SIL1: variants seen among roughly 807,000 people sequenced by gnomAD.
SIL1 encodes SIL1 nucleotide exchange factor, also known as nucleotide exchange factor SIL1.
Under a neutral mutation model 49.1 loss-of-function variants are expected in SIL1, and 40 were observed. That is an observed-to-expected ratio of 0.81 (90% CI 0.63 to 1.06). The LOEUF (loss-of-function observed/expected upper bound fraction) is 1.06, where lower values mean the gene tolerates loss of function less well. Among genes scored for constraint, SIL1 ranks in the 50% least tolerant of loss-of-function variants. The pLI, the probability that SIL1 is intolerant of heterozygous loss-of-function variation, is 0.00. For synonymous variants in SIL1, 253 were observed against 250.8 expected (o/e 1.01, Z -0.08); for missense variants, 500 against 572.6 (o/e 0.87, Z 1.29).
chr5:139,055,702 G>C (rs974973266), intron 3 of SIL1, among the ~76,000 whole-genome samples: 1 of 134,980 alleles, frequency 7.4e-6, no homozygotes, highest in African/African-American at 2.8e-5. Context: ...CTCTTTCCAC[G>C]GTCTCCCTCT....
chr5:139,015,074 C>A (rs1416785905), intron 7 of SIL1, among the ~76,000 whole-genome samples: 2 of 152,226 alleles, frequency 1.3e-5, no homozygotes, highest in South Asian at 2.1e-4. Flanking sequence ...ACCGTCCACT[C>A]AGCCTCCAAC....
intron 1 of SIL1, among the ~76,000 whole-genome samples, chr5:139,195,573 G>C (rs1752251621): frequency 6.6e-6 from 1 of 152,050 alleles, no homozygotes; most frequent in Non-Finnish European, 1.5e-5. Flanking sequence ...ATTTTTAGTA[G>C]AGACGGGGTT....
At chr5:138,986,257 T>C (rs888391855) in intron 7 of SIL1, among the ~76,000 whole-genome samples, 34 of 152,212 alleles carry the variant, frequency 2.2e-4, no homozygotes, top group Admixed American at 1.5e-3. Context: ...GAGTTGTACC[T>C]AGTTCCCAAC....
chr5:139,052,997 G>A (rs1178268485), intron 3 of SIL1, among the ~76,000 whole-genome samples: 1 of 152,138 alleles, frequency 6.6e-6, no homozygotes, highest in African/African-American at 2.4e-5. Context: ...TGGGAGGAGA[G>A]GAGGCTGAAT....
At chr5:139,112,117 G>A (rs1477314416) in intron 3 of SIL1, among the ~76,000 whole-genome samples, 3 of 152,252 alleles carry the variant, frequency 2.0e-5, no homozygotes, top group Non-Finnish European at 2.9e-5. Context: ...GAGGTGCCGG[G>A]ATTGCAGACG....
chr5:139,096,262 A>C (rs1770463356), intron 3 of SIL1, among the ~76,000 whole-genome samples: 1 of 152,158 alleles, frequency 6.6e-6, no homozygotes, highest in Non-Finnish European at 1.5e-5. Flanking sequence ...ACCAACAGGG[A>C]ATCACCGATC....
rs577128098 is a variant in SIL1, at chr5:138,996,770, G to A, written c.767+24401C>T. 5.3e-5 allele frequency among the ~76,000 whole-genome samples: 8 copies of A among 151,868 alleles called. No individual in the cohort carries two copies. The South Asian group carries it at 6.3e-4, about 12-fold the overall frequency. On this transcript the variant is annotated intron_variant, in intron 7 of 9. Coordinates refer to ENST00000394817, the MANE Select transcript of SIL1 (RefSeq NM_022464.5). ...CTTGACCTTGTGATCCGCCTGCCTC[G>A]ACCTCCCAAAGTGCTGGGATTACAG...
In SIL1 at chr5:139,005,454, CTTTT is replaced by C. The variant is rs200312457; in HGVS notation, c.767+15713_767+15716del. 3.1e-4 allele frequency among the ~76,000 whole-genome samples: 45 copies of C among 144,108 alleles called. 1 individual carries two copies. In the East Asian group the frequency reaches 6.8e-3, roughly 22 times the overall value. 94.5% of individuals were successfully genotyped at this position (144,108 alleles called of 152,430 possible). A position where few individuals can be genotyped will look rare whatever the true frequency, so the allele number is the denominator to read the frequency against. ...TTATTTATTTATTTATTTTTTCTTC[CTTTT>C]TTTTTTATTATACTTTAAGTTTTAG... On this transcript the variant is annotated intron_variant, in intron 7 of 9. Coordinates refer to ENST00000394817, the MANE Select transcript of SIL1 (RefSeq NM_022464.5).
chr5:139,042,277 C>T (rs1443653023), intron 5 of SIL1, among the ~76,000 whole-genome samples: 1 of 152,188 alleles, frequency 6.6e-6, no homozygotes, highest in Non-Finnish European at 1.5e-5. Flanking sequence ...GTAAGTGAGG[C>T]AGAGATCTGG....
chr5:138,951,298 G>C lies in SIL1; in HGVS notation c.902C>G (p.Pro301Arg). The change falls in exon 9 of 10, where the codon CCC becomes CGC. Residue 301 changes from proline (P) to arginine (R), a missense_variant. Coordinates refer to ENST00000394817, the MANE Select transcript of SIL1 (RefSeq NM_022464.5). ...FALCSLLRHF[P>R]YAQRQFLKLG... Reference sequence around the variant, plus strand: ...CTTCAGGAACTGCCGCTGGGCATAGGGGAAGTGGCGCAGCAGGGAGCACAG... The same window carrying C: ...CTTCAGGAACTGCCGCTGGGCATAGCGGAAGTGGCGCAGCAGGGAGCACAG... The C allele has an allele frequency of 6.4e-7, 1 of 1,564,564 alleles. No individual in the cohort carries two copies. Among genetic ancestry groups the C allele is most frequent in the South Asian group, 1.2e-5 (1 of 85,136 alleles).
intron 1 of SIL1, among the ~76,000 whole-genome samples, chr5:139,164,906 A>T (rs1751584963): frequency 6.6e-6 from 1 of 152,126 alleles, no homozygotes; most frequent in Non-Finnish European, 1.5e-5. Context: ...TTCCAATCTG[A>T]CTCTGGCATA....
intron 3 of SIL1, among the ~76,000 whole-genome samples, chr5:139,111,111 T>C (rs1770829131): frequency 1.3e-5 from 2 of 152,216 alleles, no homozygotes; most frequent in Admixed American, 6.5e-5. Flanking sequence ...CTCTTGGTTG[T>C]CCAAGCACCT....
intron 4 of SIL1, among the ~76,000 whole-genome samples, chr5:139,045,326 C>A (rs560045957): frequency 6.6e-6 from 1 of 151,976 alleles, no homozygotes; most frequent in African/African-American, 2.4e-5. Flanking sequence ...CCAGTCTGGG[C>A]GACAAAGCAA....
At position 139,121,034 on chromosome 5, in the gene SIL1, C is replaced by T. The variant is rs1411719761; in HGVS notation, c.244+1G>A. ...TGTGGGGACAGGGCTGGGCCTGATA[C>T]CTGGCTGAAGGGCCTGCCACTCATG... is the stretch of plus-strand genomic sequence containing the variant. On this transcript the variant is annotated splice_donor_variant, in intron 3 of 9. Coordinates refer to ENST00000394817, the MANE Select transcript of SIL1 (RefSeq NM_022464.5). LOFTEE classifies it high-confidence loss of function. 2 of 1,613,876 alleles carry T rather than the reference C, an allele frequency of 1.2e-6. No homozygotes were observed. Among genetic ancestry groups the T allele is most frequent in the Non-Finnish European group, 8.5e-7 (1 of 1,180,048 alleles).
chr5:138,950,404 C>T (rs574660511), intron 9 of SIL1, among the ~76,000 whole-genome samples: 2 of 152,202 alleles, frequency 1.3e-5, no homozygotes, highest in Non-Finnish European at 2.9e-5. Context: ...CCACAGCCAT[C>T]CCGACACTGC....
At chr5:138,976,698 C>A (rs1445334365) in intron 7 of SIL1, among the ~76,000 whole-genome samples, 1 of 152,058 alleles carries the variant, frequency 6.6e-6, no homozygotes, top group East Asian at 1.9e-4. Flanking sequence ...AGTAAATAAA[C>A]CACCATTAGG....
In SIL1 at chr5:139,141,857, A is replaced by G. The variant is rs565294395; in HGVS notation, c.-10-14004T>C. Among the ~76,000 whole-genome samples, 3 of 152,312 alleles carry G rather than the reference A, an allele frequency of 2.0e-5. No individual in the cohort carries two copies. In the South Asian group the frequency reaches 6.2e-4, roughly 32 times the overall value. ...TATCTGAGAAAACACTTTAAAATAC[A>G]TTATTTTCAGCACAGAACCTACTCC... On this transcript the variant is annotated intron_variant, in intron 1 of 9. Coordinates refer to ENST00000394817, the MANE Select transcript of SIL1 (RefSeq NM_022464.5).
intron 3 of SIL1, among the ~76,000 whole-genome samples, chr5:139,112,235 T>C (rs956283408): frequency 2.0e-5 from 3 of 152,342 alleles, no homozygotes; most frequent in Middle Eastern, 3.4e-3. Flanking sequence ...CCTCCCAAAG[T>C]GCCGAGATTG....
At chr5:139,005,618 A>T (rs1176804792) in intron 7 of SIL1, among the ~76,000 whole-genome samples, 1 of 86,304 alleles carries the variant, frequency 1.2e-5, no homozygotes, top group Non-Finnish European at 2.2e-5. Flanking sequence ...CCACCCCACC[A>T]CAGTCCCCAG....
Sources: gnomAD v4.1 joint callset for allele counts (sites outside exome capture counted in the v4.1 genomes callset) on GRCh38, gnomAD v4.1.1 for gene constraint, MANE v1.5 for transcripts, NCBI Gene and HGNC (gene_info 2026-07-23, HGNC 2026-07-21) for gene names.